FAT4: variants seen among roughly 807,000 people sequenced by gnomAD.
The protein encoded by FAT4 is FAT atypical cadherin 4.
FAT4 carries 84 observed loss-of-function variants against 303.9 expected under a neutral mutation model. That is an observed-to-expected ratio of 0.28 (90% CI 0.23 to 0.33). The LOEUF (loss-of-function observed/expected upper bound fraction) is 0.33, where lower values mean the gene tolerates loss of function less well. Ranked by LOEUF, FAT4 falls within the 10% of genes least tolerant of loss-of-function variation. The pLI, the probability that FAT4 is intolerant of heterozygous loss-of-function variation, is 1.00. For missense variants in FAT4, 6,005 were observed against 6,146.8 expected, an observed-to-expected ratio of 0.98 and a Z score of 0.77; for synonymous variants, 2,307 against 2,298.8, an observed-to-expected ratio of 1.00 and a Z score of -0.10.
intron 7 of FAT4, among the ~76,000 whole-genome samples, chr4:125,418,558 A>C (rs975973665): frequency 6.6e-6 from 1 of 152,200 alleles, no homozygotes. Context: ...AAACCGGAAG[A>C]GGGTATAATA....
intron 2 of FAT4, among the ~76,000 whole-genome samples, chr4:125,394,894 T>C (rs1734108136): frequency 1.3e-5 from 2 of 152,204 alleles, no homozygotes; most frequent in Admixed American, 1.3e-4. Flanking sequence ...GCTATTAAAG[T>C]ACATCACCTA....
At chr4:125,321,727 A>G in intron 2 of FAT4, 141 bp downstream of exon 2, 1 of 853,004 alleles carries the variant, frequency 1.2e-6, no homozygotes, top group Non-Finnish European at 1.7e-6. Flanking sequence ...TGTTCTGTCA[A>G]AGGCTAACAG....
chr4:125,406,528 TA>T (rs924666663), intron 3 of FAT4, among the ~76,000 whole-genome samples: 5 of 152,182 alleles, frequency 3.3e-5, no homozygotes, highest in African/African-American at 1.2e-4. Context: ...CCTATTTGTA[TA>T]AAAAATGCTG....
intron 2 of FAT4, among the ~76,000 whole-genome samples, chr4:125,389,062 A>G (rs937160816): frequency 3.3e-5 from 5 of 152,186 alleles, no homozygotes; most frequent in Non-Finnish European, 7.4e-5. Flanking sequence ...TGAGAAGTAC[A>G]TTCAGTTTTA....
chr4:125,433,328 A>G (rs1232098757), intron 7 of FAT4, among the ~76,000 whole-genome samples: 1 of 152,208 alleles, frequency 6.6e-6, no homozygotes, highest in Admixed American at 6.5e-5. Flanking sequence ...TTAAGCAGAA[A>G]AGGAGAGTAT....
intron 2 of FAT4, among the ~76,000 whole-genome samples, chr4:125,360,975 A>G (rs1249396152): frequency 7.0e-6 from 1 of 143,292 alleles, no homozygotes; most frequent in Non-Finnish European, 1.5e-5. Flanking sequence ...TTTTATTATT[A>G]TTTATTTTAT....
chr4:125,479,671 T>C, intron 14 of FAT4, 70 bp from the exon 15 acceptor site: 1 of 1,377,708 alleles, frequency 7.3e-7, no homozygotes, highest in South Asian at 1.9e-5. Context: ...AATAAAAGTG[T>C]ATATTGAGTT....
chr4:125,329,329 T>C (rs1731282943), intron 2 of FAT4, among the ~76,000 whole-genome samples: 1 of 152,242 alleles, frequency 6.6e-6, no homozygotes, highest in Non-Finnish European at 1.5e-5. Flanking sequence ...TCCAATGGCC[T>C]TTCTCAATGC....
chr4:125,471,647 A>C (rs1474313523), intron 12 of FAT4, among the ~76,000 whole-genome samples: 8 of 152,116 alleles, frequency 5.3e-5, no homozygotes, highest in Middle Eastern at 3.4e-3. Flanking sequence ...CTTCACAACT[A>C]TCTCTCCATA....
At chr4:125,332,668 G>A (rs1578530676) in intron 2 of FAT4, among the ~76,000 whole-genome samples, 1 of 152,002 alleles carries the variant, frequency 6.6e-6, no homozygotes, top group Non-Finnish European at 1.5e-5. Flanking sequence ...GTGTTTGTTT[G>A]TGAGCCTATT....
At chr4:125,437,033 T>C (rs1261293979) in intron 8 of FAT4, among the ~76,000 whole-genome samples, 1 of 152,000 alleles carries the variant, frequency 6.6e-6, no homozygotes, top group Non-Finnish European at 1.5e-5. Context: ...TTTTGTATTT[T>C]TAGTTGAGAT....
chr4:125,388,567 G>A (rs1396692), intron 2 of FAT4, among the ~76,000 whole-genome samples: 144,951 of 152,222 alleles, frequency 0.95, 69,396 homozygotes, highest in East Asian at 1. Context: ...ATTTCCATAA[G>A]TTTCTTATGC....
At chr4:125,343,967 G>A (rs1358911017) in intron 2 of FAT4, among the ~76,000 whole-genome samples, 1 of 152,152 alleles carries the variant, frequency 6.6e-6, no homozygotes, top group Non-Finnish European at 1.5e-5. Flanking sequence ...ATTTGATAAA[G>A]ACTTGGTATG....
chr4:125,317,576 G>A lies in FAT4; in HGVS notation c.1165G>A (p.Ala389Thr), dbSNP rs758125798. 1.9e-6 allele frequency: 3 copies of A among 1,613,848 alleles called. No homozygotes were observed. Among genetic ancestry groups the A allele is most frequent in the Non-Finnish European group, 2.5e-6 (3 of 1,179,960 alleles). The change falls in exon 2 of 18, where the codon GCG becomes ACG. Residue 389 changes from alanine to threonine, a missense_variant. Coordinates refer to ENST00000394329, the MANE Select transcript of FAT4 (RefSeq NM_001291303.3). The surrounding 1 kb of genome is among the most constrained non-coding windows in gnomAD (Gnocchi z 7.0). The stretch of plus-strand genomic sequence containing the variant: ...CACCGTGACGGACGCAGATTCTCCC[G>A]CGGCCAACGGGAACATCTCCGTGCA... ...LLTVTDADSP[A>T]ANGNISVQIL...
chr4:125,328,966 T>C (rs1731265545), intron 2 of FAT4, among the ~76,000 whole-genome samples: 1 of 65,462 alleles, frequency 1.5e-5, no homozygotes, highest in Non-Finnish European at 3.0e-5. Flanking sequence ...CTTGTTCATG[T>C]TAATGATGAA....
At position 125,492,419 on chromosome 4, in the gene FAT4, T is replaced by C. The variant is rs1170555740; in HGVS notation, c.*651T>C. 6.6e-6 allele frequency: 1 copy of C among 152,318 alleles called. No individual in the cohort carries two copies. Among genetic ancestry groups the C allele is most frequent in the East Asian group, 1.9e-4 (1 of 5,198 alleles). 9.4% of individuals were successfully genotyped at this position (152,318 alleles called of 1,614,324 possible). A position where few individuals can be genotyped will look rare whatever the true frequency, so the allele number is the denominator to read the frequency against. On this transcript the variant is annotated 3_prime_UTR_variant, in exon 18 of 18. Coordinates refer to ENST00000394329, the MANE Select transcript of FAT4 (RefSeq NM_001291303.3). The stretch of plus-strand genomic sequence containing the variant: ...CCTTGAGCAAATGATTATAGTCTCC[T>C]GACTTTCATGAGGCTTCCATTAGGA...
At chr4:125,434,893 G>A (rs535768730) in intron 8 of FAT4, among the ~76,000 whole-genome samples, 1 of 152,158 alleles carries the variant, frequency 6.6e-6, no homozygotes, top group African/African-American at 2.4e-5. Flanking sequence ...GGACTTTTTA[G>A]TTGGTGGTTC....
intron 2 of FAT4, among the ~76,000 whole-genome samples, chr4:125,376,941 G>A (rs764473229): frequency 3.6e-4 from 55 of 152,194 alleles, no homozygotes; most frequent in Non-Finnish European, 6.3e-4. Flanking sequence ...TTGGTTGGAT[G>A]CCACGATTAA....
intron 2 of FAT4, among the ~76,000 whole-genome samples, chr4:125,351,459 T>A (rs1286947561): frequency 6.6e-6 from 1 of 151,786 alleles, no homozygotes; most frequent in Non-Finnish European, 1.5e-5. Flanking sequence ...TGTTATTTTG[T>A]TATCCTCTGC....
Sources: allele counts gnomAD v4.1 joint callset (sites outside exome capture counted in the v4.1 genomes callset), GRCh38; gene constraint gnomAD v4.1.1; non-coding constraint Gnocchi (gnomAD v3.1); transcripts MANE v1.5; gene names NCBI Gene and HGNC (gene_info 2026-07-23, HGNC 2026-07-21).